The following RAPGEF4 variants were observed in gnomAD, a reference collection of about 807,000 sequenced individuals.
The protein encoded by RAPGEF4 is Rap guanine nucleotide exchange factor 4, also known as RAP guanine-nucleotide-exchange factor (GEF) 4.
In RAPGEF4, 66 loss-of-function variants were observed where a neutral mutation model predicts 147.9. The observed-to-expected ratio is 0.45, with a 90% CI of 0.37 to 0.55. The LOEUF is 0.55. RAPGEF4 is among the 20% of genes least tolerant of loss of function. The probability of loss-of-function intolerance (pLI) is 0.00; values close to 1 mark genes in which losing one functional copy is unlikely to be tolerated. For synonymous variants in RAPGEF4, 419 were observed against 442.7 expected, an observed-to-expected ratio of 0.95 and a Z score of 0.67; for missense variants, 1,071 against 1,257.3, an observed-to-expected ratio of 0.85 and a Z score of 2.24.
At chr2:172,980,076 A>G (rs372001741) in intron 10 of RAPGEF4, among the ~76,000 whole-genome samples, 7 of 152,352 alleles carry the variant, frequency 4.6e-5, no homozygotes, top group African/African-American at 1.7e-4. Context: ...ATTTTAAGCA[A>G]AGAGAAGAGC....
At chr2:173,021,746 G>A (rs1696121358) in intron 23 of RAPGEF4, among the ~76,000 whole-genome samples, 1 of 152,192 alleles carries the variant, frequency 6.6e-6, no homozygotes, top group Non-Finnish European at 1.5e-5. Context: ...GGACTTTTTA[G>A]AGGTTGTTTC....
At position 172,961,182 on chromosome 2, in the gene RAPGEF4, G is replaced by T; in HGVS notation, c.652G>T (p.Ala218Ser). ...TTTACGAAATGCCATTCTCTCTCGA[G>T]CACCTCACATGATAAGAGATAGAAA... ...KILRNAILSR[A>S]PHMIRDRKYH... The change falls in exon 8 of 31, where the codon GCA (alanine) becomes TCA (serine). Residue 218 changes from alanine to serine, a missense_variant. Ala to Ser is a moderately conservative substitution (Grantham distance 99). Transcript: ENST00000397081. 1 of 1,612,894 alleles carries T rather than the reference G, an allele frequency of 6.2e-7. No individual in the cohort carries two copies. Among genetic ancestry groups the T allele is most frequent in the Non-Finnish European group, 8.5e-7 (1 of 1,178,898 alleles).
At chr2:173,002,833 C>G (rs915989378) in intron 17 of RAPGEF4, among the ~76,000 whole-genome samples, 1 of 151,976 alleles carries the variant, frequency 6.6e-6, no homozygotes, top group Non-Finnish European at 1.5e-5. Context: ...ACTGTTTTAC[C>G]GAGTAATGAT....
At chr2:172,911,530 C>A (rs935243268) in intron 4 of RAPGEF4, among the ~76,000 whole-genome samples, 3 of 152,088 alleles carry the variant, frequency 2.0e-5, no homozygotes, top group Non-Finnish European at 2.9e-5. Flanking sequence ...GCAACCTCAG[C>A]TCACTGTAAC....
At chr2:172,952,209 T>A (rs1217829916) in intron 6 of RAPGEF4, among the ~76,000 whole-genome samples, 1 of 152,064 alleles carries the variant, frequency 6.6e-6, no homozygotes, top group Non-Finnish European at 1.5e-5. Flanking sequence ...TAAAGGGAAA[T>A]GTCATAGTGT....
chr2:172,807,679 A>G (rs1687637593), intron 3 of RAPGEF4, among the ~76,000 whole-genome samples: 2 of 152,228 alleles, frequency 1.3e-5, no homozygotes. Flanking sequence ...TAAAACTTAT[A>G]AAAATATTTG....
intron 16 of RAPGEF4, 146 bp downstream of exon 16, chr2:172,996,700 C>T: frequency 1.7e-6 from 1 of 587,510 alleles, no homozygotes; most frequent in Non-Finnish European, 3.0e-6. Context: ...TCTGTGTGAC[C>T]TGACTGGGAA....
In RAPGEF4 at chr2:172,850,717, A is replaced by G. The variant is rs1040934016; in HGVS notation, c.444+36292A>G. 4.6e-5 allele frequency among the ~76,000 whole-genome samples: 7 copies of G among 152,344 alleles called. No individual in the cohort carries two copies. The East Asian group carries it at 7.7e-4, about 17-fold the overall frequency. Reference sequence around the variant, plus strand: ...CTCCCACTAGCCAGAACTATCTACTATTAACACTTTTGTCTGTGTACTTCC... The same window carrying G: ...CTCCCACTAGCCAGAACTATCTACTGTTAACACTTTTGTCTGTGTACTTCC... On this transcript the variant is annotated intron_variant, in intron 4 of 30. Transcript: ENST00000397081.
At chr2:172,851,213 C>G (rs1186179012) in intron 4 of RAPGEF4, among the ~76,000 whole-genome samples, 1 of 152,172 alleles carries the variant, frequency 6.6e-6, no homozygotes, top group Non-Finnish European at 1.5e-5. Flanking sequence ...AAAACTCATT[C>G]AGAAGCGGGT....
chr2:172,770,010 C>G (rs1697205900), intron 1 of RAPGEF4, among the ~76,000 whole-genome samples: 1 of 152,156 alleles, frequency 6.6e-6, no homozygotes, highest in Admixed American at 6.5e-5. Context: ...TATAGTCTAA[C>G]ACCCTTCTAA....
chr2:172,887,200 A>AAAAAAAAG (rs1404554339), intron 4 of RAPGEF4, among the ~76,000 whole-genome samples: 2 of 152,024 alleles, frequency 1.3e-5, no homozygotes, highest in Non-Finnish European at 2.9e-5. Context: ...TCTCAAAAAA[A>AAAAAAAAG]AAAAAAAGAA....
At chr2:173,019,886 C>A (rs944962635) in intron 22 of RAPGEF4, among the ~76,000 whole-genome samples, 44 of 152,284 alleles carry the variant, frequency 2.9e-4, no homozygotes, top group African/African-American at 1.0e-3. Context: ...CTAGACCCCA[C>A]CCCTGTGATA....
chr2:172,901,987 A>C (rs1313538852), intron 4 of RAPGEF4, among the ~76,000 whole-genome samples: 1 of 151,948 alleles, frequency 6.6e-6, no homozygotes, highest in Non-Finnish European at 1.5e-5. Flanking sequence ...TAACTGGGGG[A>C]GTCATGAGGA....
chr2:172,994,812 T>C (rs958856157), intron 15 of RAPGEF4, among the ~76,000 whole-genome samples: 2 of 152,366 alleles, frequency 1.3e-5, no homozygotes, highest in South Asian at 2.1e-4. Flanking sequence ...TCTTCTACCT[T>C]ATCTCTTTTG....
intron 11 of RAPGEF4, among the ~76,000 whole-genome samples, chr2:172,984,301 A>G (rs571588855): frequency 6.6e-6 from 1 of 152,180 alleles, no homozygotes; most frequent in Admixed American, 6.5e-5. Flanking sequence ...AGAAATATCT[A>G]GATGCCTAGT....
chr2:173,034,672 G>A (rs1264858714), intron 27 of RAPGEF4, among the ~76,000 whole-genome samples: 1 of 152,018 alleles, frequency 6.6e-6, no homozygotes, highest in Non-Finnish European at 1.5e-5. Context: ...TCAGGAATTC[G>A]AGACCAGCCT....
intron 3 of RAPGEF4, among the ~76,000 whole-genome samples, chr2:172,803,757 C>G (rs1687204249): frequency 6.6e-6 from 1 of 152,144 alleles, no homozygotes; most frequent in African/African-American, 2.4e-5. Flanking sequence ...AAACTGAATG[C>G]CTTTAACGGC....
At chr2:172,982,934 C>G (rs1691836343) in intron 10 of RAPGEF4, among the ~76,000 whole-genome samples, 1 of 152,088 alleles carries the variant, frequency 6.6e-6, no homozygotes, top group African/African-American at 2.4e-5. Flanking sequence ...CATCTCATGC[C>G]CTTATCTCCT....
In RAPGEF4 at chr2:172,746,989, C is replaced by T. The variant is rs1694833594; in HGVS notation, c.65+10941C>T. Among the ~76,000 whole-genome samples the T allele has an allele frequency of 2.0e-5, 3 of 152,000 alleles. No homozygotes were observed. In the South Asian group the frequency reaches 6.3e-4, roughly 32 times the overall value. ...AAATGGAGAAATAATTTTTATAGGC[C>T]CTTAGAAAAGACTTAATAGTTGAGA... On this transcript the variant is annotated intron_variant, in intron 1 of 30. Transcript: ENST00000397081.
Sources: allele counts gnomAD v4.1 joint callset (sites outside exome capture counted in the v4.1 genomes callset), GRCh38; gene constraint gnomAD v4.1.1; transcripts MANE v1.5; gene names NCBI Gene and HGNC (gene_info 2026-07-23, HGNC 2026-07-21).